Variants in USH2A observed in about 807,000 individuals in gnomAD.
USH2A encodes the protein usherin.
In USH2A, 443 loss-of-function variants were observed where a neutral mutation model predicts 538.9. The ratio of observed to expected loss-of-function variants is 0.82; its 90% CI spans 0.76 to 0.89. The LOEUF (loss-of-function observed/expected upper bound fraction) is 0.89, where lower values mean the gene tolerates loss of function less well. USH2A is among the 40% of genes least tolerant of loss of function. USH2A has a pLI of 0.00. For synonymous variants in USH2A, 2,413 were observed against 2,273.5 expected (o/e 1.06, Z -1.75); for missense variants, 6,633 against 6,324.8 (o/e 1.05, Z -1.65).
At chr1:216,273,380 C>A (rs2036610779) in intron 11 of USH2A, among the ~76,000 whole-genome samples, 1 of 151,916 alleles carries the variant, frequency 6.6e-6, no homozygotes, top group South Asian at 2.1e-4. Flanking sequence ...CAAGGCCCCA[C>A]ACTGAGGAGA....
At chr1:216,207,230 A>G (rs1445314375) in intron 16 of USH2A, 43 bp downstream of exon 16, 8 of 1,610,060 alleles carry the variant, frequency 5.0e-6, no homozygotes, top group Middle Eastern at 3.3e-4. Context: ...TAATGTGTCA[A>G]TTCTCAGAAT....
chr1:215,773,742 C>T (rs750301305), intron 55 of USH2A, among the ~76,000 whole-genome samples: 11 of 152,160 alleles, frequency 7.2e-5, no homozygotes, highest in Middle Eastern at 3.4e-3. Context: ...TGATCCCTTT[C>T]GGAGCATCTC....
intron 61 of USH2A, among the ~76,000 whole-genome samples, chr1:215,684,073 T>G (rs552977347): frequency 6.6e-6 from 1 of 152,344 alleles, no homozygotes; most frequent in South Asian, 2.1e-4. Flanking sequence ...ATCTAATATC[T>G]TCAATGGGAT....
chr1:215,843,734 C>A (rs946332742), intron 46 of USH2A, among the ~76,000 whole-genome samples: 6 of 152,062 alleles, frequency 3.9e-5, no homozygotes, highest in Admixed American at 3.9e-4. Flanking sequence ...TCAGATAAAA[C>A]CTTTTAATAT....
intron 11 of USH2A, among the ~76,000 whole-genome samples, chr1:216,278,209 G>A (rs543860542): frequency 4.7e-4 from 71 of 152,096 alleles, no homozygotes; most frequent in African/African-American, 1.7e-3. Flanking sequence ...GTATACCTGG[G>A]CCCTTGTGAT....
At chr1:215,637,204 TAGAC>T (rs1330243572) in intron 69 of USH2A, among the ~76,000 whole-genome samples, 1 of 152,112 alleles carries the variant, frequency 6.6e-6, no homozygotes, top group Non-Finnish European at 1.5e-5. Flanking sequence ...CCAAGGAAAC[TAGAC>T]TGGCAGGGCT....
chr1:216,211,132 G>A (rs965673804), intron 15 of USH2A, among the ~76,000 whole-genome samples: 1 of 152,074 alleles, frequency 6.6e-6, no homozygotes, highest in Non-Finnish European at 1.5e-5. Flanking sequence ...CTTGTCCTAT[G>A]CATTGCTTCA....
chr1:215,702,121 T>G (rs562482919), intron 61 of USH2A, among the ~76,000 whole-genome samples: 20 of 152,320 alleles, frequency 1.3e-4, no homozygotes, highest in African/African-American at 4.8e-4. Context: ...GAAAATTCTT[T>G]GCGTTAAGAA....
chr1:216,067,641 T>C (rs1197124566), intron 30 of USH2A, among the ~76,000 whole-genome samples: 1 of 152,036 alleles, frequency 6.6e-6, no homozygotes, highest in East Asian at 1.9e-4. Context: ...ATGACAACTG[T>C]GGATATGAGG....
chr1:215,957,299 A>G (rs1667092568), intron 37 of USH2A, among the ~76,000 whole-genome samples: 2 of 152,196 alleles, frequency 1.3e-5, no homozygotes, highest in Admixed American at 6.5e-5. Flanking sequence ...TGAAATGGTC[A>G]GGAAGAGAGG....
rs1308384689 is a variant in USH2A at position 215,640,679 on chromosome 1, C to A, written c.14847G>T (p.Val4949=). Residue 4949 remains valine (V), a synonymous_variant, in exon 68 of 72, where the codon GTG becomes GTT. Transcript: ENST00000307340. ...SVDSNLSVVC[V]NWSDTFLLNG... ...TCAGGAGGAAGGTGTCACTCCAGTT[C>A]ACACACACCACAGACAAATTGCTGT... 1.9e-6 allele frequency: 3 copies of A among 1,613,768 alleles called. No individual in the cohort carries two copies. The African/African-American group carries it at 4.0e-5, about 22-fold the overall frequency.
At chr1:216,006,523 C>T (rs575948741) in intron 32 of USH2A, among the ~76,000 whole-genome samples, 2 of 152,254 alleles carry the variant, frequency 1.3e-5, no homozygotes, top group African/African-American at 2.4e-5. Context: ...GTCTCTAATA[C>T]TTCTCATATC....
intron 9 of USH2A, among the ~76,000 whole-genome samples, chr1:216,301,176 A>G (rs2037209955): frequency 6.6e-6 from 1 of 152,190 alleles, no homozygotes; most frequent in South Asian, 2.1e-4. Flanking sequence ...TTATACAACA[A>G]TCTTAAATGC....
chr1:215,690,329 C>A (rs1223386259), intron 61 of USH2A, among the ~76,000 whole-genome samples: 4 of 152,170 alleles, frequency 2.6e-5, no homozygotes, highest in African/African-American at 9.7e-5. Context: ...CTTGAATGGG[C>A]ATGGTGGCAA....
Position 216,073,313 on chromosome 1 carries a change from AAGGG to A in USH2A, c.5573-17_5573-14del. On this transcript the variant is annotated splice_polypyrimidine_tract_variant and intron_variant, in intron 27 of 71. Coordinates refer to ENST00000307340, the MANE Select transcript of USH2A (RefSeq NM_206933.4). ...CAACCACCGAAACCTAGCAAATAGTAAGGGATTAGTATCGCATAAAGGGCTTGAG... is the reference window on the plus strand; with the variant it reads ...CAACCACCGAAACCTAGCAAATAGTAATTAGTATCGCATAAAGGGCTTGAG... 6.3e-7 allele frequency: 1 copy of A among 1,586,074 alleles called. No individual in the cohort carries two copies. Among genetic ancestry groups the A allele is most frequent in the Non-Finnish European group, 8.5e-7 (1 of 1,171,342 alleles).
intron 9 of USH2A, among the ~76,000 whole-genome samples, chr1:216,306,141 C>T (rs2037312370): frequency 1.3e-5 from 2 of 152,138 alleles, no homozygotes; most frequent in East Asian, 1.9e-4. Context: ...TCCTTGGGAA[C>T]ACCAATTATT....
At chr1:216,393,252 A>AACAC (rs2039141917) in intron 3 of USH2A, among the ~76,000 whole-genome samples, 1 of 152,194 alleles carries the variant, frequency 6.6e-6, no homozygotes, top group Non-Finnish European at 1.5e-5. Context: ...CTGGAACAAA[A>AACAC]ACAATTCTCC....
chr1:216,104,312 C>T (rs1241004298), intron 21 of USH2A, among the ~76,000 whole-genome samples: 4 of 151,372 alleles, frequency 2.6e-5, no homozygotes, highest in Non-Finnish European at 4.4e-5. Context: ...TGAGAACATG[C>T]GGTGTTTGGT....
chr1:216,391,790 C>T (rs897930168), intron 3 of USH2A, among the ~76,000 whole-genome samples: 1 of 152,228 alleles, frequency 6.6e-6, no homozygotes, highest in African/African-American at 2.4e-5. Flanking sequence ...GCGCTGTGAC[C>T]TCTCAAGTAG....
Sources: allele counts gnomAD v4.1 joint callset (sites outside exome capture counted in the v4.1 genomes callset), GRCh38; gene constraint gnomAD v4.1.1; transcripts MANE v1.5; gene names NCBI Gene and HGNC (gene_info 2026-07-23, HGNC 2026-07-21).